Variants in TLE1 observed in about 807,000 individuals in gnomAD.
The protein encoded by TLE1 is transducin-like enhancer protein 1.
TLE1 carries 21 observed loss-of-function variants against 89.8 expected under a neutral mutation model. The ratio of observed to expected loss-of-function variants is 0.23; its 90% CI spans 0.17 to 0.34. The LOEUF is 0.34. Ranked by LOEUF, TLE1 falls within the 10% of genes least tolerant of loss-of-function variation. The pLI, the probability that TLE1 is intolerant of heterozygous loss-of-function variation, is 1.00. For synonymous variants in TLE1, 447 were observed against 407.6 expected (o/e 1.10, Z -1.16); for missense variants, 795 against 1,031.2 (o/e 0.77, Z 3.14).
chr9:81,648,673 T>C (rs1829170188), intron 6 of TLE1, among the ~76,000 whole-genome samples: 1 of 152,194 alleles, frequency 6.6e-6, no homozygotes, highest in African/African-American at 2.4e-5. Context: ...ACTCCCCAAA[T>C]AATAAAGTGG....
chr9:81,587,863 T>C (rs1828749312), intron 16 of TLE1, 35 bp from the exon 17 acceptor site: 1 of 1,591,872 alleles, frequency 6.3e-7, no homozygotes, highest in Non-Finnish European at 8.5e-7. Flanking sequence ...AATGATTTCC[T>C]GCCAGAGCTC....
At chr9:81,611,551 A>G (rs938797254) in intron 13 of TLE1, among the ~76,000 whole-genome samples, 2 of 152,178 alleles carry the variant, frequency 1.3e-5, no homozygotes, top group African/African-American at 4.8e-5. Context: ...TAAAACAAAA[A>G]ACGTTTGGCC....
chr9:81,627,085 C>CATTA (rs1168931016), intron 8 of TLE1, among the ~76,000 whole-genome samples: 1 of 152,070 alleles, frequency 6.6e-6, no homozygotes, highest in Non-Finnish European at 1.5e-5. Flanking sequence ...ACTAAAAAGC[C>CATTA]ATTAGGTCAG....
chr9:81,618,816 G>C (rs1053649192), intron 9 of TLE1, among the ~76,000 whole-genome samples: 1 of 152,196 alleles, frequency 6.6e-6, no homozygotes, highest in Non-Finnish European at 1.5e-5. Context: ...ACTCTGAAGT[G>C]AGTTTACCGT....
At chr9:81,666,126 C>G (rs1234837669) in intron 4 of TLE1, among the ~76,000 whole-genome samples, 6 of 152,116 alleles carry the variant, frequency 3.9e-5, no homozygotes, top group Non-Finnish European at 8.8e-5. Context: ...CAGAAAGAGC[C>G]TGTTCACAGG....
chr9:81,676,291 G>C (rs1351281587), intron 4 of TLE1, among the ~76,000 whole-genome samples: 1 of 152,118 alleles, frequency 6.6e-6, no homozygotes, highest in Non-Finnish European at 1.5e-5. Flanking sequence ...CCCTAACTCA[G>C]CTTCAAGCAG....
intron 4 of TLE1, among the ~76,000 whole-genome samples, chr9:81,655,196 T>G (rs1213957079): frequency 6.6e-6 from 1 of 151,958 alleles, no homozygotes; most frequent in Non-Finnish European, 1.5e-5. Flanking sequence ...AAACCCCGTC[T>G]CTACTCAAAA....
rs543756204 is a variant in TLE1, at chr9:81,584,043, G to A, written c.*155C>T. 163 of 656,298 alleles carry A rather than the reference G, an allele frequency of 2.5e-4. No individual in the cohort carries two copies. In the African/African-American group the frequency reaches 2.5e-3, roughly 10 times the overall value. 40.7% of individuals were successfully genotyped at this position (656,298 alleles called of 1,614,324 possible). A position where few individuals can be genotyped will look rare whatever the true frequency, so the allele number is the denominator to read the frequency against. On this transcript the variant is annotated 3_prime_UTR_variant, in exon 20 of 20. Transcript: ENST00000376499. ...GTGACTTTCTGCTGATGGACTTGTC[G>A]CCTCCTCTTTGTAGACTCAAAGTAG... is the stretch of plus-strand genomic sequence containing the variant.
At chr9:81,606,013 T>TG (rs1396876193) in intron 14 of TLE1, among the ~76,000 whole-genome samples, 1 of 152,018 alleles carries the variant, frequency 6.6e-6, no homozygotes, top group South Asian at 2.1e-4. Context: ...AACAGACACA[T>TG]GAAAAAATGC....
rs73468065 is a variant in TLE1, at chr9:81,608,551, C to T, written c.1331+1669G>A. 8.1e-3 allele frequency among the ~76,000 whole-genome samples: 1,229 copies of T among 152,140 alleles called. 17 individuals are homozygous for T. The highest frequency in any genetic ancestry group is 0.028 in the African/African-American group (1,153 of 41,494). Reference sequence around the variant, plus strand: ...ACTCACTAATGTGACATGCAAGTGACGTACTGATAAAAGCTGAAAGCAACC... The same window carrying T: ...ACTCACTAATGTGACATGCAAGTGATGTACTGATAAAAGCTGAAAGCAACC... On this transcript the variant is annotated intron_variant, in intron 14 of 19. Transcript: ENST00000376499.
At chr9:81,592,134 G>A (rs559908679) in intron 15 of TLE1, among the ~76,000 whole-genome samples, 7 of 152,310 alleles carry the variant, frequency 4.6e-5, no homozygotes, top group South Asian at 2.1e-4. Flanking sequence ...CAAGGCGGGC[G>A]GATCACAAGG....
At chr9:81,623,688 G>A (rs984297699) in intron 8 of TLE1, among the ~76,000 whole-genome samples, 2 of 151,592 alleles carry the variant, frequency 1.3e-5, no homozygotes, top group Non-Finnish European at 2.9e-5. Context: ...TACTCAGGAG[G>A]CTGCAGCACA....
chr9:81,673,516 C>G (rs985954462), intron 4 of TLE1, among the ~76,000 whole-genome samples: 1 of 152,100 alleles, frequency 6.6e-6, no homozygotes, highest in African/African-American at 2.4e-5. Flanking sequence ...TAGATCACAG[C>G]TATCCCTCAG....
chr9:81,618,604 A>G (rs1181985823), intron 9 of TLE1, among the ~76,000 whole-genome samples: 1 of 152,250 alleles, frequency 6.6e-6, no homozygotes, highest in Non-Finnish European at 1.5e-5. Flanking sequence ...AATAAAGAAC[A>G]AAACTAATAC....
intron 14 of TLE1, among the ~76,000 whole-genome samples, chr9:81,597,471 T>C (rs1830383559): frequency 6.6e-6 from 1 of 152,164 alleles, no homozygotes; most frequent in Admixed American, 6.5e-5. Context: ...GAAATGGCAG[T>C]TGGCAAAGAC....
At chr9:81,670,508 T>A (rs1832077360) in intron 4 of TLE1, among the ~76,000 whole-genome samples, 1 of 152,082 alleles carries the variant, frequency 6.6e-6, no homozygotes, top group Non-Finnish European at 1.5e-5. Flanking sequence ...GTATTTTTAG[T>A]AGAGACGGGG....
At chr9:81,616,803 A>T in intron 9 of TLE1, 104 bp from the exon 10 acceptor site, 1 of 1,261,610 alleles carries the variant, frequency 7.9e-7, no homozygotes, top group East Asian at 2.3e-5. Flanking sequence ...GACTAAAAAA[A>T]CTACCTGGGA....
intron 14 of TLE1, among the ~76,000 whole-genome samples, chr9:81,609,295 G>A (rs1823399966): frequency 6.6e-6 from 1 of 152,122 alleles, no homozygotes; most frequent in South Asian, 2.1e-4. Context: ...ACATTGGCCA[G>A]GCTGGTCTCG....
At chr9:81,647,275 T>G (rs1406655838) in intron 6 of TLE1, among the ~76,000 whole-genome samples, 1 of 152,214 alleles carries the variant, frequency 6.6e-6, no homozygotes, top group Non-Finnish European at 1.5e-5. Flanking sequence ...CTATAACCTC[T>G]TGTGCCAACA....
Sources: allele counts gnomAD v4.1 joint callset (sites outside exome capture counted in the v4.1 genomes callset), GRCh38; gene constraint gnomAD v4.1.1; transcripts MANE v1.5; gene names NCBI Gene and HGNC (gene_info 2026-07-23, HGNC 2026-07-21).